DET1: variants seen among roughly 807,000 people sequenced by gnomAD.
DET1 encodes the protein DET1 partner of COP1 E3 ubiquitin ligase.
DET1 carries 22 observed loss-of-function variants against 43.7 expected under a neutral mutation model. That is an observed-to-expected ratio of 0.50 (90% CI 0.36 to 0.72). The LOEUF is 0.72. Ranked by LOEUF, DET1 falls within the 30% of genes least tolerant of loss-of-function variation. The pLI is 0.00. For missense variants in DET1, 713 were observed against 713.3 expected (o/e 1.00, Z 0.00); for synonymous variants, 315 against 266.2 (o/e 1.18, Z -1.79).
rs962489492 is a variant in DET1, at chr15:88,516,041, A to G, written c.1463+741T>C. The stretch of plus-strand genomic sequence containing the variant: ...GTCACACAGGCACATTTAATACACA[A>G]TGAGACTGGATGATGAAATATATCT... On this transcript the variant is annotated intron_variant, in intron 4 of 4. Coordinates refer to ENST00000268148, the MANE Select transcript of DET1 (RefSeq NM_001144074.3). The surrounding 1 kb of genome is among the most constrained non-coding windows in gnomAD (Gnocchi z 4.4). Among the ~76,000 whole-genome samples, 1 of 152,256 alleles carries G rather than the reference A, an allele frequency of 6.6e-6. No homozygotes were observed. Among genetic ancestry groups the G allele is most frequent in the Admixed American group, 6.5e-5 (1 of 15,290 alleles).
chr15:88,544,747 C>T (rs780500676), intron 1 of DET1, among the ~76,000 whole-genome samples: 8 of 152,276 alleles, frequency 5.3e-5, no homozygotes, highest in East Asian at 3.9e-4. Flanking sequence ...CCCCAGGCCT[C>T]GGTCAGGCCC....
At chr15:88,513,759 T>C (rs1164866292) in intron 4 of DET1, among the ~76,000 whole-genome samples, 1 of 148,074 alleles carries the variant, frequency 6.8e-6, no homozygotes, top group Admixed American at 6.7e-5. Context: ...GGATCTAGGC[T>C]CACCTTTGAG....
At chr15:88,524,263 G>A (rs2056594385) in intron 3 of DET1, among the ~76,000 whole-genome samples, 1 of 151,682 alleles carries the variant, frequency 6.6e-6, no homozygotes, top group Non-Finnish European at 1.5e-5. Flanking sequence ...TGAGAAGTGA[G>A]GAGCCCCTCC....
rs148855752 is a variant in DET1, at chr15:88,530,934, G to A, written c.772C>T (p.Arg258Cys). The A allele has an allele frequency of 2.0e-5, 33 of 1,613,962 alleles. No homozygotes were observed. Among genetic ancestry groups the A allele is most frequent in the South Asian group, 3.3e-5 (3 of 91,076 alleles). The part of the protein sequence containing the change: ...GTFIDVRTIG[R>C]FCYEDDLLTV... Reference sequence around the variant, plus strand: ...AGCAGGTCATCCTCATAGCAAAAGCGGCCAATGGTCCGCACATCAATGAAA... The same window carrying A: ...AGCAGGTCATCCTCATAGCAAAAGCAGCCAATGGTCCGCACATCAATGAAA... The change falls in exon 2 of 5, where the codon CGC becomes TGC. Residue 258 changes from arginine to cysteine, a missense_variant. Transcript: ENST00000268148.
intron 3 of DET1, among the ~76,000 whole-genome samples, chr15:88,519,470 A>G (rs972480565): frequency 2.6e-5 from 4 of 152,122 alleles, no homozygotes; most frequent in African/African-American, 9.7e-5. Flanking sequence ...GTCACAGGGT[A>G]GACCGTCACG....
chr15:88,536,205 C>T (rs924807978), intron 1 of DET1: 13 of 666,790 alleles, frequency 1.9e-5, no homozygotes, highest in Non-Finnish European at 2.8e-6. Flanking sequence ...TAAAATAGTA[C>T]CTCCTCAGAA....
At chr15:88,543,567 A>C (rs1393238731) in intron 1 of DET1, among the ~76,000 whole-genome samples, 2 of 152,226 alleles carry the variant, frequency 1.3e-5, no homozygotes, top group African/African-American at 4.8e-5. Context: ...CTGTGTTCAC[A>C]GATGGTAGCA....
downstream of DET1, among the ~76,000 whole-genome samples, chr15:88,511,871 C>T (rs1172247119): frequency 6.6e-6 from 1 of 152,230 alleles, no homozygotes; most frequent in Non-Finnish European, 1.5e-5. Context: ...TGTTTGCATC[C>T]ATGGCCCCTT....
chr15:88,531,844 G>A lies in DET1; in HGVS notation c.-10-129C>T. On this transcript the variant is annotated intron_variant, in intron 1 of 4. Transcript: ENST00000268148. This position sits in a 1 kb window ranked among gnomAD's most constrained non-coding sequence, Gnocchi z 6.2. ...GGAGCTCCCAAGATGACAGTGACTG[G>A]CATTACTACTTCCCAGATTATACTG... 2.3e-6 allele frequency: 2 copies of A among 854,540 alleles called. No individual in the cohort carries two copies. Among genetic ancestry groups the A allele is most frequent in the South Asian group, 1.9e-5 (1 of 53,600 alleles). The allele number at this position is 854,540 out of a possible 1,614,324, so 52.9% of individuals were successfully genotyped here. A position where few individuals can be genotyped will look rare whatever the true frequency, so the allele number is the denominator to read the frequency against.
chr15:88,508,479 CA>C (rs2056165006), downstream of DET1, among the ~76,000 whole-genome samples: 1 of 152,028 alleles, frequency 6.6e-6, no homozygotes, highest in Non-Finnish European at 1.5e-5. Flanking sequence ...TAGATGCAAA[CA>C]AGGGGAAGCC....
At chr15:88,511,994 C>A (rs566828622), downstream of DET1, among the ~76,000 whole-genome samples, 3 of 152,316 alleles carry the variant, frequency 2.0e-5, no homozygotes, top group African/African-American at 4.8e-5. Context: ...CATAAACAGG[C>A]TGGCAAGAGT....
chr15:88,524,389 G>A (rs1288688242), intron 3 of DET1, among the ~76,000 whole-genome samples: 7 of 151,126 alleles, frequency 4.6e-5, no homozygotes, highest in African/African-American at 1.5e-4. Context: ...GGTGGGGGGC[G>A]CCTCTGCCCG....
At position 88,515,538 on chromosome 15, in the gene DET1, T is replaced by TAAAAAAAAAAAAAAA. The variant is rs1491544233; in HGVS notation, c.1463+1243_1463+1244insTTTTTTTTTTTTTTT. ...TGGGCAACAGACAGAGACTCCGTCTTATAAAAAAAAAAAAAAAAAAAAAAA... is the reference window on the plus strand; with the variant it reads ...TGGGCAACAGACAGAGACTCCGTCTTAAAAAAAAAAAAAAAATAAAAAAAAAAAAAAAAAAAAAAA... On this transcript the variant is annotated intron_variant, in intron 4 of 4. Transcript: ENST00000268148. Among the ~76,000 whole-genome samples the TAAAAAAAAAAAAAAA allele has an allele frequency of 4.6e-3, 219 of 47,480 alleles. 97 individuals are homozygous for TAAAAAAAAAAAAAAA. Among genetic ancestry groups the TAAAAAAAAAAAAAAA allele is most frequent in the Non-Finnish European group, 6.0e-3 (174 of 29,194 alleles). 31.1% of individuals were successfully genotyped at this position (47,480 alleles called of 152,430 possible). A position where few individuals can be genotyped will look rare whatever the true frequency, so the allele number is the denominator to read the frequency against.
chr15:88,527,495 G>A (rs2056695831), intron 3 of DET1, 104 bp downstream of exon 3: 1 of 1,063,234 alleles, frequency 9.4e-7, no homozygotes, highest in Non-Finnish European at 1.3e-6. Flanking sequence ...AATAACCAAA[G>A]CTATGTGGAC....
intron 4 of DET1, 140 bp from the exon 5 acceptor site, chr15:88,513,280 G>T: frequency 1.2e-6 from 1 of 818,444 alleles, no homozygotes. Context: ...TCAGCCCCAG[G>T]TTATCAGAAG....
Position 88,531,375 on chromosome 15 carries a change from G to C in DET1, c.331C>G (p.Gln111Glu), listed in dbSNP as rs2056810456. 1 of 1,613,910 alleles carries C rather than the reference G, an allele frequency of 6.2e-7. No individual in the cohort carries two copies. Among genetic ancestry groups the C allele is most frequent in the Non-Finnish European group, 8.5e-7 (1 of 1,179,906 alleles). The change falls in exon 2 of 5, where the codon CAG (glutamine) becomes GAG (glutamate). Residue 111 changes from glutamine to glutamate, a missense_variant. By Grantham distance (29) the Gln-to-Glu change is conservative. Transcript: ENST00000268148. This position sits in a 1 kb window ranked among gnomAD's most constrained non-coding sequence, Gnocchi z 6.2. Reference sequence around the variant, plus strand: ...CGGCCCCGGATATTCACTGACCGCTGGTCATTGCCATTGGACAGGATTTCT... The same window carrying C: ...CGGCCCCGGATATTCACTGACCGCTCGTCATTGCCATTGGACAGGATTTCT... ...EGEILSNGND[Q>E]RSVNIRGRLF...
intron 1 of DET1, among the ~76,000 whole-genome samples, chr15:88,543,091 A>T (rs2057154764): frequency 6.6e-6 from 1 of 152,214 alleles, no homozygotes; most frequent in Non-Finnish European, 1.5e-5. Flanking sequence ...TCTGAAAAAG[A>T]CTTTAACTGA....
Position 88,515,020 on chromosome 15 carries a change from A to T in DET1, c.1463+1762T>A, listed in dbSNP as rs2056302885. The stretch of plus-strand genomic sequence containing the variant: ...ATAAAAAACACATAGCCTTACTCCC[A>T]CAATCCCCAAACACAAAGGGATTAT... On this transcript the variant is annotated intron_variant, in intron 4 of 4. Transcript: ENST00000268148. Among the ~76,000 whole-genome samples the T allele has an allele frequency of 2.0e-5, 3 of 152,178 alleles. No individual in the cohort carries two copies. In the South Asian group the frequency reaches 6.2e-4, roughly 31 times the overall value.
chr15:88,545,810 C>T (rs1366170228), intron 1 of DET1, among the ~76,000 whole-genome samples: 1 of 151,552 alleles, frequency 6.6e-6, no homozygotes, highest in Non-Finnish European at 1.5e-5. Context: ...GGCTCTTTCA[C>T]TGGCAGCCCC....
Sources: gnomAD v4.1 joint callset for allele counts (sites outside exome capture counted in the v4.1 genomes callset) on GRCh38, gnomAD v4.1.1 for gene constraint, Gnocchi (gnomAD v3.1) non-coding constraint, MANE v1.5 for transcripts, NCBI Gene and HGNC (gene_info 2026-07-23, HGNC 2026-07-21) for gene names.